The following ADGRV1 variants were observed in gnomAD, a reference collection of about 807,000 sequenced individuals.
The protein encoded by ADGRV1 is G-protein coupled receptor 98.
Under a neutral mutation model 596.2 loss-of-function variants are expected in ADGRV1, and 359 were observed. The ratio of observed to expected loss-of-function variants is 0.60; its 90% CI spans 0.55 to 0.66. The LOEUF is 0.66. ADGRV1 is among the 30% of genes least tolerant of loss of function. ADGRV1 has a pLI of 0.00. For synonymous variants in ADGRV1, 2,681 were observed against 2,679.2 expected, an observed-to-expected ratio of 1.00 and a Z score of -0.02; for missense variants, 7,274 against 7,575.6, an observed-to-expected ratio of 0.96 and a Z score of 1.48.
intron 84 of ADGRV1, among the ~76,000 whole-genome samples, chr5:90,977,612 A>T (rs999245965): frequency 9.9e-5 from 15 of 152,228 alleles, no homozygotes; most frequent in Admixed American, 9.2e-4. Flanking sequence ...TGAAATCATA[A>T]CTATGGCCTA....
chr5:90,869,124 C>T (rs947997777), intron 83 of ADGRV1, among the ~76,000 whole-genome samples: 1 of 152,104 alleles, frequency 6.6e-6, no homozygotes, highest in African/African-American at 2.4e-5. Flanking sequence ...ATCTCTTCCT[C>T]TGTAGTACTG....
At position 90,753,820 on chromosome 5, in the gene ADGRV1, G is replaced by C; in HGVS notation, c.11368G>C (p.Glu3790Gln). The C allele has an allele frequency of 6.2e-7, 1 of 1,602,350 alleles. No homozygotes were observed. Among genetic ancestry groups the C allele is most frequent in the East Asian group, 2.2e-5 (1 of 44,496 alleles). The change falls in exon 54 of 90, where the codon GAG becomes CAG. Residue 3790 changes from glutamate (E) to glutamine (Q), a missense_variant. Around this residue, in one of 5 missense-constraint regions of ADGRV1, gnomAD observed 3,643 missense variants for 3,809.2 expected, o/e 0.96. Transcript: ENST00000405460. ...RAASVFIRVA[E>Q]PKENTTTLQL... ...TGCGTCTGTCTTCATTAGAGTAGCA[G>C]AGCCTAAAGGTAAATATTGTTAAAT...
chr5:90,849,378 C>T (rs940729949), intron 79 of ADGRV1, among the ~76,000 whole-genome samples: 5 of 152,148 alleles, frequency 3.3e-5, no homozygotes, highest in African/African-American at 1.2e-4. Context: ...ATACTAATTA[C>T]CTCTATATTA....
chr5:90,589,912 C>T (rs1202465829), intron 1 of ADGRV1, among the ~76,000 whole-genome samples: 1 of 152,112 alleles, frequency 6.6e-6, no homozygotes, highest in Non-Finnish European at 1.5e-5. Context: ...TAAAGGTTGA[C>T]CACTGTTCTT....
Position 90,693,932 on chromosome 5 carries a change from C to T in ADGRV1, c.7176C>T (p.Ser2392=), listed in dbSNP as rs111033452. The part of the protein sequence containing the change: ...FGRLLLFYST[S]DIDVVALAME... ...GGCTGTTGTTGTTCTACAGTACTTC[C>T]GACATTGATGTAGTGGCTCTGGCAA... Residue 2392 remains serine (S), a synonymous_variant, in exon 33 of 90, where the codon TCC becomes TCT. Transcript: ENST00000405460. 3.8e-3 allele frequency: 6,098 copies of T among 1,595,086 alleles called. 18 individuals are homozygous for T. The highest frequency in any genetic ancestry group is 0.01 in the Middle Eastern group (62 of 5,926).
At chr5:91,018,445 G>A (rs923612547) in intron 85 of ADGRV1, among the ~76,000 whole-genome samples, 2 of 151,968 alleles carry the variant, frequency 1.3e-5, no homozygotes, top group African/African-American at 4.8e-5. Flanking sequence ...TTCAAGAGAA[G>A]TGTTGAAAGA....
At chr5:90,824,855 A>G (rs1763938573) in intron 76 of ADGRV1, among the ~76,000 whole-genome samples, 1 of 152,152 alleles carries the variant, frequency 6.6e-6, no homozygotes, top group African/African-American at 2.4e-5. Context: ...GACTTACTGT[A>G]TTCTACTTGA....
At chr5:90,800,942 G>A (rs1418693784) in intron 70 of ADGRV1, among the ~76,000 whole-genome samples, 2 of 152,018 alleles carry the variant, frequency 1.3e-5, no homozygotes, top group Non-Finnish European at 2.9e-5. Flanking sequence ...CTAGGGGAGG[G>A]GTAGCATTAG....
In ADGRV1 at chr5:90,916,496, T is replaced by C. The variant is rs561126189; in HGVS notation, c.17857-48919T>C. 3.9e-5 allele frequency among the ~76,000 whole-genome samples: 6 copies of C among 152,332 alleles called. No homozygotes were observed. The East Asian group carries it at 1.2e-3, about 29-fold the overall frequency. On this transcript the variant is annotated intron_variant, in intron 83 of 89. Transcript: ENST00000405460. ...TTTAGGAGCTCTGCTGGTGATTTCA[T>C]GTGCACCCCAGGTAAAGAAGCAATG...
At chr5:90,577,162 T>C (rs1236070169) in intron 1 of ADGRV1, among the ~76,000 whole-genome samples, 2 of 152,226 alleles carry the variant, frequency 1.3e-5, no homozygotes, top group Admixed American at 1.3e-4. Context: ...TTGCCATTGC[T>C]TTTGGTGTTT....
chr5:90,631,289 C>A (rs1338787947), intron 9 of ADGRV1, among the ~76,000 whole-genome samples: 2 of 152,224 alleles, frequency 1.3e-5, no homozygotes, highest in East Asian at 3.9e-4. Flanking sequence ...ACTGTGTCAG[C>A]ACTTGGTAGG....
In ADGRV1 at chr5:90,805,465, T is replaced by C; in HGVS notation, c.14836+7T>C. 1 of 1,570,934 alleles carries C rather than the reference T, an allele frequency of 6.4e-7. No homozygotes were observed. The highest frequency in any genetic ancestry group is 8.7e-7 in the Non-Finnish European group (1 of 1,149,730). On this transcript the variant is annotated splice_region_variant and intron_variant, in intron 72 of 89. Coordinates refer to ENST00000405460, the MANE Select transcript of ADGRV1 (RefSeq NM_032119.4). ...AACATGACCCCAACACTGGGTGAGTTGTAGTTTTTCTAAGATGAGTCCTGT... is the reference window on the plus strand; with the variant it reads ...AACATGACCCCAACACTGGGTGAGTCGTAGTTTTTCTAAGATGAGTCCTGT...
At chr5:90,753,889 C>A in intron 54 of ADGRV1, 60 bp downstream of exon 54, 1 of 1,424,864 alleles carries the variant, frequency 7.0e-7, no homozygotes, top group Non-Finnish European at 9.4e-7. Context: ...TAATTTAATT[C>A]TAATATTTAT....
chr5:90,931,289 G>C (rs1363324254), intron 83 of ADGRV1: 3 of 152,162 alleles, frequency 2.0e-5, no homozygotes, highest in East Asian at 3.9e-4. Flanking sequence ...AGTCATCAAG[G>C]GCCAGATATC....
rs1746631861 is a variant in ADGRV1 at position 90,692,656 on chromosome 5, G to A, written c.7003G>A (p.Asp2335Asn). The stretch of plus-strand genomic sequence containing the variant: ...CTCTGGTGGAGGTACTATTGGGTTA[G>A]ATCGAATTGCAAATATTATTATTCC... ...DASGGGTIGL[D>N]RIANIIIPAN... is the part of the protein sequence containing the mutation. The change falls in exon 32 of 90, where the codon GAT (aspartate) becomes AAT (asparagine). Residue 2335 changes from aspartate (D) to asparagine (N), a missense_variant. Asp to Asn is a conservative substitution (Grantham distance 23, BLOSUM62 1). This residue lies in a region of ADGRV1 where 3,643 missense variants were observed against 3,809.2 expected (regional missense o/e 0.96). Transcript: ENST00000405460. 1 of 1,611,516 alleles carries A rather than the reference G, an allele frequency of 6.2e-7. No homozygotes were observed.
intron 27 of ADGRV1, among the ~76,000 whole-genome samples, chr5:90,683,030 C>G (rs998587903): frequency 6.6e-6 from 1 of 152,056 alleles, no homozygotes; most frequent in African/African-American, 2.4e-5. Flanking sequence ...GAAATATATA[C>G]CATTTTTGCA....
chr5:90,795,951 A>G (rs1197178637), intron 70 of ADGRV1, among the ~76,000 whole-genome samples: 1 of 152,194 alleles, frequency 6.6e-6, no homozygotes, highest in Non-Finnish European at 1.5e-5. Context: ...CAGCACATCC[A>G]CTCAGAGACC....
At chr5:90,896,265 T>TG (rs1771300122) in intron 83 of ADGRV1, among the ~76,000 whole-genome samples, 1 of 108,908 alleles carries the variant, frequency 9.2e-6, no homozygotes, top group African/African-American at 3.2e-5. Flanking sequence ...CGGTGACCAG[T>TG]GGTTTTTTTT....
chr5:90,828,260 A>G (rs1352391959), intron 76 of ADGRV1, among the ~76,000 whole-genome samples: 1 of 152,142 alleles, frequency 6.6e-6, no homozygotes. Flanking sequence ...ATTGACTATT[A>G]TAAATATTTG....
Sources: gnomAD v4.1 joint callset for allele counts (sites outside exome capture counted in the v4.1 genomes callset) on GRCh38, gnomAD v4.1.1 for gene constraint, gnomAD v4.1.1 regional missense constraint, MANE v1.5 for transcripts, NCBI Gene and HGNC (gene_info 2026-07-23, HGNC 2026-07-21) for gene names.